Variants in TREML2 observed in about 807,000 individuals in gnomAD.
TREML2 encodes the protein triggering receptor expressed on myeloid cells like 2, also known as trem-like transcript 2 protein.
TREML2 carries 24 observed loss-of-function variants against 25.9 expected under a neutral mutation model. That is an observed-to-expected ratio of 0.93 (90% CI 0.67 to 1.30). TREML2 has a LOEUF of 1.30. Ranked by LOEUF, TREML2 falls within the 50% of genes most tolerant of loss-of-function variation. TREML2 has a pLI of 0.00. For synonymous variants in TREML2, 139 were observed against 155.2 expected, an observed-to-expected ratio of 0.90 and a Z score of 0.77; for missense variants, 359 against 395.6, an observed-to-expected ratio of 0.91 and a Z score of 0.78.
At position 41,194,762 on chromosome 6, in the gene TREML2, C is replaced by G. The variant is rs146102372; in HGVS notation, c.448G>C (p.Gly150Arg). 1 of 1,612,032 alleles carries G rather than the reference C, an allele frequency of 6.2e-7. No homozygotes were observed. The highest frequency in any genetic ancestry group is 2.2e-5 in the East Asian group (1 of 44,840). Reference protein sequence around the residue: ...NILKSGTVTTGQAPTSGPDAP... With the variant: ...NILKSGTVTTRQAPTSGPDAP... Reference sequence around the variant, plus strand: ...TCAGGGCCTGAGGTAGGGGCTTGGCCAGTTGTGACAGTTCCACTCTTGAGG... The same window carrying G: ...TCAGGGCCTGAGGTAGGGGCTTGGCGAGTTGTGACAGTTCCACTCTTGAGG... Residue 150 changes from glycine to arginine, a missense_variant, in exon 3 of 5, where the codon GGC (glycine) becomes CGC (arginine). Gly to Arg is a moderately radical substitution (Grantham distance 125). Transcript: ENST00000483722.
chr6:41,197,048 C>A (rs1766180119), intron 2 of TREML2, among the ~76,000 whole-genome samples: 1 of 152,174 alleles, frequency 6.6e-6, no homozygotes, highest in Admixed American at 6.5e-5. Flanking sequence ...TTTTGGCTCA[C>A]CCCTCAACTG....
Position 41,192,198 on chromosome 6 carries a change from C to A in TREML2, c.*229G>T, listed in dbSNP as rs1335222488. ...GGTCACATTTCCTCGGGACTTTCTC[C>A]CTGATGCCCTTTGCTCTGGGCCCCT... On this transcript the variant is annotated 3_prime_UTR_variant, in exon 5 of 5. Transcript: ENST00000483722. The A allele has an allele frequency of 1.8e-6, 1 of 548,600 alleles. No individual in the cohort carries two copies. The highest frequency in any genetic ancestry group is 3.3e-6 in the Non-Finnish European group (1 of 303,464). The allele number at this position is 548,600 out of a possible 1,614,324, so 34.0% of individuals were successfully genotyped here.
rs187991039 is a variant in TREML2, at chr6:41,198,044, G to A, written c.376+65C>T. The stretch of plus-strand genomic sequence containing the variant: ...GATTATTATCCTTATTATCTCTGAT[G>A]TTAGTGGAGTGTGGGGCAGGAGGGA... On this transcript the variant is annotated intron_variant, in intron 2 of 4. Transcript: ENST00000483722. The A allele has an allele frequency of 4.9e-6, 7 of 1,419,196 alleles. No individual in the cohort carries two copies. The East Asian group carries it at 1.2e-4, about 24-fold the overall frequency. The allele number at this position is 1,419,196 out of a possible 1,614,324, so 87.9% of individuals were successfully genotyped here. A position where few individuals can be genotyped will look rare whatever the true frequency, so the allele number is the denominator to read the frequency against.
At chr6:41,198,453 T>A (rs779299533) in intron 1 of TREML2, 24 bp from the exon 2 acceptor site, 19 of 1,586,308 alleles carry the variant, frequency 1.2e-5, no homozygotes, top group Non-Finnish European at 1.5e-5. Context: ...ACTTATTGAA[T>A]AAGGTCTGGC....
At chr6:41,196,007 C>T (rs1766153379) in intron 2 of TREML2, among the ~76,000 whole-genome samples, 1 of 152,152 alleles carries the variant, frequency 6.6e-6, no homozygotes, top group Non-Finnish European at 1.5e-5. Flanking sequence ...ACCTGGTCTT[C>T]AGGGGGCAGT....
intron 1 of TREML2, 151 bp from the exon 2 acceptor site, chr6:41,198,580 G>C: frequency 2.3e-6 from 2 of 859,580 alleles, no homozygotes; most frequent in Non-Finnish European, 3.5e-6. Flanking sequence ...CCGCCTTCAG[G>C]GAGCTTGCCC....
rs764691607 is a variant in TREML2 at position 41,192,454 on chromosome 6, C to T, written c.939G>A (p.Glu313=). The T allele has an allele frequency of 1.9e-6, 3 of 1,613,922 alleles. No homozygotes were observed. Among genetic ancestry groups the T allele is most frequent in the South Asian group, 2.2e-5 (2 of 91,068 alleles). ...PSTRDPPGRP[E]PYVEVYLI ...AGATCAAGTAGACTTCCACATAGGG[C>T]TCTGGTCTTCCAGGTGGGTCACGTG... The change falls in exon 5 of 5, where the codon GAG becomes GAA. Residue 313 remains glutamate (E), a synonymous_variant. Transcript: ENST00000483722.
In TREML2 at chr6:41,198,188, G is replaced by C; in HGVS notation, c.297C>G (p.Asp99Glu). Reference protein sequence around the residue: ...NITMVALKLQDSGRYWCMRNT... With the variant: ...NITMVALKLQESGRYWCMRNT... ...TGCGCATGCACCAGTATCGGCCTGA[G>C]TCCTGGAGCTTGAGGGCCACCATGG... Residue 99 changes from aspartate (D) to glutamate (E), a missense_variant, in exon 2 of 5, where the codon GAC (aspartate) becomes GAG (glutamate). By Grantham distance (45) the Asp-to-Glu change is conservative. Transcript: ENST00000483722. 2 of 1,614,258 alleles carry C rather than the reference G, an allele frequency of 1.2e-6. No individual in the cohort carries two copies. Among genetic ancestry groups the C allele is most frequent in the Non-Finnish European group, 1.7e-6 (2 of 1,180,040 alleles).
rs1343332157 is a variant in TREML2, at chr6:41,190,540, G to C, written c.*1887C>G. ...ATCTTGAAAACAATCTTGAGAAGTA[G>C]GAATTATTGTCCTCTTTCACAAGAC... On this transcript the variant is annotated 3_prime_UTR_variant, in exon 5 of 5. Transcript: ENST00000483722. The C allele has an allele frequency of 6.6e-6, 1 of 152,212 alleles. No homozygotes were observed. The highest frequency in any genetic ancestry group is 2.4e-5 in the African/African-American group (1 of 41,454). 9.4% of individuals were successfully genotyped at this position (152,212 alleles called of 1,614,324 possible). A position where few individuals can be genotyped will look rare whatever the true frequency, so the allele number is the denominator to read the frequency against.
At position 41,190,294 on chromosome 6, in the gene TREML2, G is replaced by C. The variant is rs535271782; in HGVS notation, c.*2133C>G. ...GTTCACACTGAGATGAGTCCACCCTGTACCCTCCCCTCCTCAAAAGAGGAC... is the reference window on the plus strand; with the variant it reads ...GTTCACACTGAGATGAGTCCACCCTCTACCCTCCCCTCCTCAAAAGAGGAC... On this transcript the variant is annotated 3_prime_UTR_variant, in exon 5 of 5. Transcript: ENST00000483722. 2 of 152,124 alleles carry C rather than the reference G, an allele frequency of 1.3e-5. No homozygotes were observed. Among genetic ancestry groups the C allele is most frequent in the Admixed American group, 6.6e-5 (1 of 15,266 alleles). 9.4% of individuals were successfully genotyped at this position (152,124 alleles called of 1,614,324 possible).
chr6:41,201,070 G>A lies in TREML2; in HGVS notation c.-62C>T. 1.3e-6 allele frequency: 2 copies of A among 1,593,354 alleles called. No individual in the cohort carries two copies. Among genetic ancestry groups the A allele is most frequent in the South Asian group, 2.2e-5 (2 of 90,382 alleles). On this transcript the variant is annotated 5_prime_UTR_variant, in exon 1 of 5. Transcript: ENST00000483722. ...CCAAGGTGAGGGCCCACCCGACACAGGATGTGCCACCTGGGCCTGCCAGGG... is the reference window on the plus strand; with the variant it reads ...CCAAGGTGAGGGCCCACCCGACACAAGATGTGCCACCTGGGCCTGCCAGGG...
Position 41,201,049 on chromosome 6 carries a change from G to A in TREML2, c.-41C>T, listed in dbSNP as rs765990857. 6.2e-7 allele frequency: 1 copy of A among 1,610,382 alleles called. No individual in the cohort carries two copies. Among genetic ancestry groups the A allele is most frequent in the Non-Finnish European group, 8.5e-7 (1 of 1,177,302 alleles). ...GGCAGTGTCAGGCCTGGAGATCCAA[G>A]GTGAGGGCCCACCCGACACAGGATG... is the stretch of plus-strand genomic sequence containing the variant. On this transcript the variant is annotated 5_prime_UTR_variant, in exon 1 of 5. Transcript: ENST00000483722.
intron 1 of TREML2, among the ~76,000 whole-genome samples, chr6:41,198,966 T>C (rs545321092): frequency 6.6e-5 from 10 of 152,284 alleles, no homozygotes; most frequent in African/African-American, 2.4e-4. Context: ...GGGTTCAAAC[T>C]ATTCTCCTGC....
chr6:41,195,197 T>G (rs1330016857), intron 2 of TREML2, among the ~76,000 whole-genome samples: 3 of 152,166 alleles, frequency 2.0e-5, no homozygotes, highest in Non-Finnish European at 4.4e-5. Context: ...CAAGAACTTT[T>G]CCAGCTATTC....
intron 2 of TREML2, among the ~76,000 whole-genome samples, chr6:41,195,311 GC>G (rs1268436195): frequency 6.6e-6 from 1 of 152,136 alleles, no homozygotes; most frequent in East Asian, 1.9e-4. Context: ...TTCCTTGGGG[GC>G]TCACTAAGAG....
chr6:41,200,592 A>G (rs1352505393), intron 1 of TREML2, among the ~76,000 whole-genome samples: 1 of 152,226 alleles, frequency 6.6e-6, no homozygotes, highest in Non-Finnish European at 1.5e-5. Context: ...AATTCAGTTC[A>G]AAACACACAT....
chr6:41,194,895 C>G, intron 2 of TREML2, 62 bp from the exon 3 acceptor site: 1 of 1,482,866 alleles, frequency 6.7e-7, no homozygotes, highest in Non-Finnish European at 9.0e-7. Flanking sequence ...GGGAGCAGAT[C>G]CTGGCAACCC....
chr6:41,200,797 A>G (rs1667570920), intron 1 of TREML2, among the ~76,000 whole-genome samples, 157 bp downstream of exon 1: 1 of 152,140 alleles, frequency 6.6e-6, no homozygotes, highest in African/African-American at 2.4e-5. Flanking sequence ...GGGGCCTGAT[A>G]TTAGGGTAAA....
Position 41,192,281 on chromosome 6 carries a change from C to A in TREML2, c.*146G>T. On this transcript the variant is annotated 3_prime_UTR_variant, in exon 5 of 5. Coordinates refer to ENST00000483722, the MANE Select transcript of TREML2 (RefSeq NM_024807.4). ...GCTGTGGGGCTGCTTAGGATGGCAG[C>A]CTCTGGGTTTGGGAAGTCCTGGGTG... 1 of 682,664 alleles carries A rather than the reference C, an allele frequency of 1.5e-6. No individual in the cohort carries two copies. The highest frequency in any genetic ancestry group is 2.6e-6 in the Non-Finnish European group (1 of 386,348). 42.3% of individuals were successfully genotyped at this position (682,664 alleles called of 1,614,324 possible).
Sources: gnomAD v4.1 joint callset for allele counts (sites outside exome capture counted in the v4.1 genomes callset) on GRCh38, gnomAD v4.1.1 for gene constraint, MANE v1.5 for transcripts, NCBI Gene and HGNC (gene_info 2026-07-23, HGNC 2026-07-21) for gene names.